Variants in MCF2L2 observed in about 807,000 individuals in gnomAD.
MCF2L2 encodes MCF.2 cell line derived transforming sequence-like 2.
MCF2L2 carries 102 observed loss-of-function variants against 150.2 expected under a neutral mutation model. The observed-to-expected ratio is 0.68, with a 90% confidence interval of 0.58 to 0.80. MCF2L2 has a LOEUF of 0.80. MCF2L2 is among the 30% of genes least tolerant of loss of function. The pLI, the probability that MCF2L2 is intolerant of heterozygous loss-of-function variation, is 0.00. For missense variants in MCF2L2, 1,256 were observed against 1,372.8 expected (o/e 0.91, Z 1.34); for synonymous variants, 465 against 491.3 (o/e 0.95, Z 0.71).
intron 27 of MCF2L2, among the ~76,000 whole-genome samples, chr3:183,183,340 C>T (rs1721593660): frequency 6.6e-6 from 1 of 152,192 alleles, no homozygotes; most frequent in Non-Finnish European, 1.5e-5. Flanking sequence ...CATATTTAAT[C>T]CCCTGCTGGA....
chr3:183,383,298 G>A (rs1464422448), intron 2 of MCF2L2, among the ~76,000 whole-genome samples: 4 of 151,854 alleles, frequency 2.6e-5, no homozygotes, highest in African/African-American at 7.3e-5. Flanking sequence ...GCAATGGCAC[G>A]ATCTCGGCTC....
chr3:183,337,273 T>A (rs1730520935), intron 5 of MCF2L2, among the ~76,000 whole-genome samples: 1 of 152,110 alleles, frequency 6.6e-6, no homozygotes, highest in African/African-American at 2.4e-5. Flanking sequence ...AAAGAAACTA[T>A]CAGCTAGGCA....
Position 183,179,062 on chromosome 3 carries a change from T to C in MCF2L2, c.*318A>G, listed in dbSNP as rs1576900035. Reference sequence around the variant, plus strand: ...AGGGGTGCTACTAAACATCCTACCGTGGGAGCACAGAGAAGCCCACGCAGC... The same window carrying C: ...AGGGGTGCTACTAAACATCCTACCGCGGGAGCACAGAGAAGCCCACGCAGC... On this transcript the variant is annotated 3_prime_UTR_variant, in exon 30 of 30. Transcript: ENST00000328913. The surrounding 1 kb of genome is among the most constrained non-coding windows in gnomAD (Gnocchi z 4.2). The C allele has an allele frequency of 1.0e-5, 3 of 292,406 alleles. No individual in the cohort carries two copies. The East Asian group carries it at 1.7e-4, about 16-fold the overall frequency. The allele number at this position is 292,406 out of a possible 1,614,324, so 18.1% of individuals were successfully genotyped here.
chr3:183,335,422 T>C, intron 5 of MCF2L2, among the ~76,000 whole-genome samples: 1 of 152,178 alleles, frequency 6.6e-6, no homozygotes, highest in Non-Finnish European at 1.5e-5. Context: ...ACATATACAC[T>C]ATAATACATG....
intron 1 of MCF2L2, among the ~76,000 whole-genome samples, chr3:183,417,805 G>A (rs1560066996): frequency 6.6e-6 from 1 of 152,174 alleles, no homozygotes; most frequent in African/African-American, 2.4e-5. Context: ...GGAGGCCTCA[G>A]GAAACTCACA....
At chr3:183,384,119 C>G (rs1318994252) in intron 2 of MCF2L2, among the ~76,000 whole-genome samples, 1 of 152,180 alleles carries the variant, frequency 6.6e-6, no homozygotes, top group Non-Finnish European at 1.5e-5. Flanking sequence ...AGAGTAAGAA[C>G]TTAATTTCTG....
intron 10 of MCF2L2, among the ~76,000 whole-genome samples, chr3:183,306,297 C>G (rs760779493): frequency 1.3e-5 from 2 of 152,104 alleles, no homozygotes; most frequent in African/African-American, 2.4e-5. Context: ...TTATATACCT[C>G]CCACTCAGGA....
intron 2 of MCF2L2, among the ~76,000 whole-genome samples, 188 bp downstream of exon 2, chr3:183,389,508 A>C (rs1042516070): frequency 2.0e-5 from 3 of 152,208 alleles, no homozygotes; most frequent in Non-Finnish European, 4.4e-5. Flanking sequence ...ACCAAACAGC[A>C]AAGGGAATAA....
intron 18 of MCF2L2, 158 bp from the exon 19 acceptor site, chr3:183,224,348 G>A: frequency 3.4e-6 from 2 of 582,036 alleles, no homozygotes. Flanking sequence ...ATGTGTGTGT[G>A]ATGGAGAGAT....
chr3:183,296,480 A>G (rs927892085), intron 12 of MCF2L2: 1 of 158,712 alleles, frequency 6.3e-6, no homozygotes, highest in Non-Finnish European at 1.4e-5. Flanking sequence ...AGGCTCTCCC[A>G]TCTTGTCTAT....
intron 27 of MCF2L2, among the ~76,000 whole-genome samples, chr3:183,185,177 CAA>C (rs1408559903): frequency 6.6e-6 from 1 of 152,250 alleles, no homozygotes; most frequent in African/African-American, 2.4e-5. Context: ...CTTGGCCTTC[CAA>C]AGTGCTGGGA....
At chr3:183,403,177 C>T (rs1714862604) in intron 1 of MCF2L2, among the ~76,000 whole-genome samples, 1 of 152,066 alleles carries the variant, frequency 6.6e-6, no homozygotes, top group Non-Finnish European at 1.5e-5. Flanking sequence ...GAGGCTGAGG[C>T]AGGAGAATCA....
intron 1 of MCF2L2, among the ~76,000 whole-genome samples, chr3:183,414,526 T>C (rs893801251): frequency 2.6e-5 from 4 of 152,322 alleles, no homozygotes; most frequent in Admixed American, 2.0e-4. Context: ...ATTTTGTTGA[T>C]TTTCTGTATT....
In MCF2L2 at chr3:183,262,196, G is replaced by A. The variant is rs906096206; in HGVS notation, c.1862+14676C>T. 2.0e-5 allele frequency among the ~76,000 whole-genome samples: 3 copies of A among 149,988 alleles called. No homozygotes were observed. In the South Asian group the frequency reaches 6.4e-4, roughly 32 times the overall value. ...TGATACTTTATTATATACACTAAGG[G>A]TTAGTCTTGTTTTATGATACTTTAT... is the stretch of plus-strand genomic sequence containing the variant. On this transcript the variant is annotated intron_variant, in intron 15 of 29. Transcript: ENST00000328913.
At chr3:183,408,224 A>G (rs1042500529) in intron 1 of MCF2L2, among the ~76,000 whole-genome samples, 14 of 152,224 alleles carry the variant, frequency 9.2e-5, no homozygotes, top group Non-Finnish European at 4.4e-5. Flanking sequence ...TGGAGCCCAG[A>G]GTAGAGAGGC....
chr3:183,191,521 G>A (rs1721891554), intron 27 of MCF2L2, among the ~76,000 whole-genome samples: 1 of 152,156 alleles, frequency 6.6e-6, no homozygotes, highest in Non-Finnish European at 1.5e-5. Flanking sequence ...TGCCATCAGT[G>A]GGAATATGTT....
chr3:183,363,229 G>T (rs1712320529), intron 3 of MCF2L2, among the ~76,000 whole-genome samples: 1 of 152,128 alleles, frequency 6.6e-6, no homozygotes, highest in African/African-American at 2.4e-5. Flanking sequence ...GAAGACAGTT[G>T]GGCAGTTTCT....
rs1714032562 is a variant in MCF2L2, at chr3:183,389,676, C to G, written c.160+20G>C. 1 of 1,609,108 alleles carries G rather than the reference C, an allele frequency of 6.2e-7. No homozygotes were observed. Among genetic ancestry groups the G allele is most frequent in the Non-Finnish European group, 8.5e-7 (1 of 1,175,658 alleles). On this transcript the variant is annotated intron_variant, in intron 2 of 29. Transcript: ENST00000328913. The stretch of plus-strand genomic sequence containing the variant: ...ACCCCCCCATCAAAATCTGGAAATG[C>G]AAATGAATGTGCCCCTTACCTGAAA...
chr3:183,239,846 C>G (rs541955964), intron 15 of MCF2L2, among the ~76,000 whole-genome samples: 87 of 152,330 alleles, frequency 5.7e-4, no homozygotes, highest in African/African-American at 2.1e-3. Flanking sequence ...CCTTTGGTCA[C>G]TCTTGAGCCC....
Sources: gnomAD v4.1 joint callset for allele counts (sites outside exome capture counted in the v4.1 genomes callset) on GRCh38, gnomAD v4.1.1 for gene constraint, Gnocchi (gnomAD v3.1) non-coding constraint, MANE v1.5 for transcripts, NCBI Gene and HGNC (gene_info 2026-07-23, HGNC 2026-07-21) for gene names.